Variants in P2RY8 observed in about 807,000 individuals in gnomAD.
The protein encoded by P2RY8 is S-geranylgeranyl-glutathione receptor P2RY8.
Under a neutral mutation model 10.0 loss-of-function variants are expected in P2RY8, and 6 were observed. That is an observed-to-expected ratio of 0.60 (90% CI 0.33 to 1.19). P2RY8 has a LOEUF of 1.19. P2RY8 is among the 50% of genes most tolerant of loss of function. P2RY8 has a pLI of 0.04. For synonymous variants in P2RY8, 276 were observed against 252.5 expected (o/e 1.09, Z -0.88); for missense variants, 456 against 542.0 (o/e 0.84, Z 1.58).
At chrX:1,493,038 CG>C (rs1446902785) in intron 1 of P2RY8, among the ~76,000 whole-genome samples, 1 of 151,420 alleles carries the variant, frequency 6.6e-6, no homozygotes, top group Non-Finnish European at 1.5e-5. Flanking sequence ...TCAGGCCAGG[CG>C]CACTTTGGGA....
At chrX:1,517,520 G>T (rs1445585014) in intron 1 of P2RY8, among the ~76,000 whole-genome samples, 2 of 152,160 alleles carry the variant, frequency 1.3e-5, no homozygotes, top group African/African-American at 4.8e-5. Flanking sequence ...GTCTCAGGAT[G>T]AACTGGAAGG....
intron 1 of P2RY8, among the ~76,000 whole-genome samples, chrX:1,498,747 A>G (rs2092145538): frequency 6.6e-6 from 1 of 151,702 alleles, no homozygotes; most frequent in Non-Finnish European, 1.5e-5. Context: ...CCTGATCTTG[A>G]ACTCCTGGTC....
Position 1,466,535 on chromosome X carries a change from G to A in P2RY8, c.24C>T (p.Gly8=). The A allele has an allele frequency of 2.5e-6, 4 of 1,608,304 alleles. No individual in the cohort carries two copies. The highest frequency in any genetic ancestry group is 1.3e-5 in the African/African-American group (1 of 74,968). MQVPNST[G]PDNATLQMLR... ...GCATCTGCAGCGTCGCGTTGTCCGG[G>A]CCGGTGCTGTTCGGGACCTGCATCC... The change falls in exon 2 of 2, where the codon GGC becomes GGT. Residue 8 remains glycine, a synonymous_variant. Coordinates refer to ENST00000381297, the MANE Select transcript of P2RY8 (RefSeq NM_178129.5).
chrX:1,521,942 CTCTTTTTTT>C (rs1673319430), intron 1 of P2RY8, among the ~76,000 whole-genome samples: 2 of 48,694 alleles, frequency 4.1e-5, no homozygotes, highest in Admixed American at 2.7e-4. Context: ...CTCTCTCGCT[CTCTTTTTTT>C]TTTTTTTTTT....
chrX:1,530,161 T>TATG (rs2092463679), intron 1 of P2RY8, among the ~76,000 whole-genome samples: 2 of 2,678 alleles, frequency 7.5e-4, no homozygotes, highest in African/African-American at 1.1e-3. Flanking sequence ...ATGTATGATC[T>TATG]ATCTATCTAT....
In P2RY8 at chrX:1,464,873, A is replaced by G. The variant is rs1228243570; in HGVS notation, c.*606T>C. On this transcript the variant is annotated 3_prime_UTR_variant, in exon 2 of 2. Coordinates refer to ENST00000381297, the MANE Select transcript of P2RY8 (RefSeq NM_178129.5). ...CCTCTGAAAGAAGAATTCCAACCAC[A>G]GCAACCACAGTGCCCCTGAGTGAAA... is the stretch of plus-strand genomic sequence containing the variant. 1 of 233,826 alleles carries G rather than the reference A, an allele frequency of 4.3e-6. No individual in the cohort carries two copies. The highest frequency in any genetic ancestry group is 8.4e-6 in the Non-Finnish European group (1 of 118,610). 14.5% of individuals were successfully genotyped at this position (233,826 alleles called of 1,614,324 possible).
At chrX:1,466,984 T>TG (rs35954939) in intron 1 of P2RY8, among the ~76,000 whole-genome samples, 77,800 of 146,270 alleles carry the variant, frequency 0.53, 20,404 homozygotes, top group Middle Eastern at 0.67. Flanking sequence ...TGATCCACAG[T>TG]GGGGCTGTGG....
At chrX:1,521,663 T>C (rs532932555) in intron 1 of P2RY8, among the ~76,000 whole-genome samples, 1 of 152,188 alleles carries the variant, frequency 6.6e-6, no homozygotes, top group South Asian at 2.1e-4. Flanking sequence ...TTTGCATGAG[T>C]GCTTAGAAAC....
chrX:1,510,259 A>G (rs1393806535), intron 1 of P2RY8, among the ~76,000 whole-genome samples: 1 of 152,164 alleles, frequency 6.6e-6, no homozygotes, highest in Non-Finnish European at 1.5e-5. Context: ...CTATCTGTCT[A>G]CACCTGGCTT....
At chrX:1,526,296 C>A (rs1299630284) in intron 1 of P2RY8, among the ~76,000 whole-genome samples, 3 of 151,856 alleles carry the variant, frequency 2.0e-5, no homozygotes, top group Admixed American at 2.0e-4. Context: ...CTCATTCATT[C>A]ATTCCTTATC....
chrX:1,466,587 A>C lies in P2RY8; in HGVS notation c.-24-5T>G, dbSNP rs1569536321. ...GGAGGGGTCCTCGCCCGGGCTCTGC[A>C]AGGGAAGGAGGGAAGGGTGTACGGG... On this transcript the variant is annotated splice_region_variant and splice_polypyrimidine_tract_variant and intron_variant, in intron 1 of 1. Coordinates refer to ENST00000381297, the MANE Select transcript of P2RY8 (RefSeq NM_178129.5). 3 of 1,587,284 alleles carry C rather than the reference A, an allele frequency of 1.9e-6. No individual in the cohort carries two copies. Among genetic ancestry groups the C allele is most frequent in the Non-Finnish European group, 2.6e-6 (3 of 1,170,476 alleles).
chrX:1,474,003 A>ATGGATGGGTGGG (rs2091839847), intron 1 of P2RY8, among the ~76,000 whole-genome samples: 1 of 123,208 alleles, frequency 8.1e-6, no homozygotes, highest in East Asian at 3.1e-4. Context: ...GGATGAGTGG[A>ATGGATGGGTGGG]TGGATGGGTG....
intron 1 of P2RY8, among the ~76,000 whole-genome samples, chrX:1,477,702 C>T (rs1446156429): frequency 1.3e-5 from 2 of 152,154 alleles, no homozygotes; most frequent in Non-Finnish European, 2.9e-5. Context: ...CACAGGATGG[C>T]CCCACCACAG....
chrX:1,536,776 G>C (rs1476693796), intron 1 of P2RY8, 145 bp downstream of exon 1: 1 of 189,432 alleles, frequency 5.3e-6, no homozygotes, highest in Non-Finnish European at 1.1e-5. Flanking sequence ...TTGCACTCCT[G>C]GTCTGCTCTA....
chrX:1,530,664 C>T (rs2092468292), intron 1 of P2RY8, among the ~76,000 whole-genome samples: 1 of 150,832 alleles, frequency 6.6e-6, no homozygotes, highest in South Asian at 2.2e-4. Context: ...CTATGTATCT[C>T]TCTAATCTAT....
intron 1 of P2RY8, among the ~76,000 whole-genome samples, chrX:1,483,540 A>G (rs1166700988): frequency 2.0e-5 from 3 of 152,144 alleles, no homozygotes; most frequent in Non-Finnish European, 4.4e-5. Flanking sequence ...AGGCTGAGGC[A>G]GGAGAATTGC....
chrX:1,500,970 G>C (rs1230304729), intron 1 of P2RY8, among the ~76,000 whole-genome samples: 1 of 152,198 alleles, frequency 6.6e-6, no homozygotes, highest in African/African-American at 2.4e-5. Flanking sequence ...TCCAGGCCAA[G>C]CAGCTGGGGC....
chrX:1,496,555 T>A (rs1569537542), intron 1 of P2RY8, among the ~76,000 whole-genome samples: 1 of 152,070 alleles, frequency 6.6e-6, no homozygotes, highest in African/African-American at 2.4e-5. Context: ...CCTCTACTAT[T>A]TTCCTGGAGG....
chrX:1,475,553 A>G (rs2091864962), intron 1 of P2RY8, among the ~76,000 whole-genome samples: 1 of 152,090 alleles, frequency 6.6e-6, no homozygotes, highest in South Asian at 2.1e-4. Flanking sequence ...GCAAACCAAT[A>G]CACCGAGAAA....
Sources: allele counts gnomAD v4.1 joint callset (sites outside exome capture counted in the v4.1 genomes callset), GRCh38; gene constraint gnomAD v4.1.1; transcripts MANE v1.5; gene names NCBI Gene and HGNC (gene_info 2026-07-23, HGNC 2026-07-21).